The following MEGF11 variants were observed in gnomAD, a reference collection of about 807,000 sequenced individuals.
MEGF11 encodes multiple epidermal growth factor-like domains protein 11.
A neutral mutation model predicts 146.6 loss-of-function variants in MEGF11; 126 were observed. That is an observed-to-expected ratio of 0.86 (90% CI 0.74 to 1.00). The LOEUF is 1.00. Among genes scored for constraint, MEGF11 ranks in the 50% least tolerant of loss-of-function variants. MEGF11 has a pLI of 0.00. For missense variants in MEGF11, 1,509 were observed against 1,521.2 expected, an observed-to-expected ratio of 0.99 and a Z score of 0.13; for synonymous variants, 532 against 583.4, an observed-to-expected ratio of 0.91 and a Z score of 1.27.
Position 65,933,813 on chromosome 15 carries a change from C to T in MEGF11, c.1288-2870G>A, listed in dbSNP as rs139323740. Among the ~76,000 whole-genome samples, 446 of 152,304 alleles carry T rather than the reference C, an allele frequency of 2.9e-3. 3 individuals are homozygous for T. Among genetic ancestry groups the T allele is most frequent in the Non-Finnish European group, 4.2e-3 (284 of 68,008 alleles). Reference sequence around the variant, plus strand: ...TCACCATGTGACCATAGGCAATTTACGACATCCCCTGAGCCTCAGTTCCCA... The same window carrying T: ...TCACCATGTGACCATAGGCAATTTATGACATCCCCTGAGCCTCAGTTCCCA... On this transcript the variant is annotated intron_variant, in intron 10 of 25. Coordinates refer to ENST00000395614, the MANE Select transcript of MEGF11 (RefSeq NM_001385028.1).
intron 5 of MEGF11, among the ~76,000 whole-genome samples, chr15:66,031,702 C>T (rs2083528433): frequency 6.6e-6 from 1 of 152,198 alleles, no homozygotes; most frequent in African/African-American, 2.4e-5. Context: ...AACTACTTAT[C>T]TTCTCTGGGC....
intron 21 of MEGF11, 82 bp downstream of exon 21, chr15:65,912,000 G>A (rs1406608623): frequency 2.0e-5 from 14 of 711,666 alleles, no homozygotes; most frequent in Non-Finnish European, 2.7e-5. Flanking sequence ...TGTGGCGGGG[G>A]GCGTGCAGTT....
At chr15:66,164,125 T>C (rs2090034902) in intron 1 of MEGF11, among the ~76,000 whole-genome samples, 1 of 152,148 alleles carries the variant, frequency 6.6e-6, no homozygotes, top group African/African-American at 2.4e-5. Context: ...CATTGTGGCC[T>C]GAACGAAGCT....
At chr15:66,041,802 A>G (rs553084125) in intron 5 of MEGF11, among the ~76,000 whole-genome samples, 17 of 152,326 alleles carry the variant, frequency 1.1e-4, no homozygotes, top group South Asian at 1.0e-3. Flanking sequence ...GGCTCATAAT[A>G]TCATCACTCC....
At position 65,964,928 on chromosome 15, in the gene MEGF11, A is replaced by G; in HGVS notation, c.1092T>C (p.Cys364=). 6.4e-7 allele frequency: 1 copy of G among 1,569,442 alleles called. No individual in the cohort carries two copies. The highest frequency in any genetic ancestry group is 8.6e-7 in the Non-Finnish European group (1 of 1,156,556). ...HGPGCTLPCP[C]DADNTISCHP... Reference sequence around the variant, plus strand: ...CATACCTGATGGTGTTGTCAGCGTCACAGGGGCAGGGCAGGGTGCAGCCTG... The same window carrying G: ...CATACCTGATGGTGTTGTCAGCGTCGCAGGGGCAGGGCAGGGTGCAGCCTG... The change falls in exon 9 of 26, where the codon TGT becomes TGC. Residue 364 remains cysteine (C), a synonymous_variant. Transcript: ENST00000395614.
chr15:65,899,003 C>T, intron 24 of MEGF11, 69 bp from the exon 25 acceptor site: 1 of 1,505,088 alleles, frequency 6.6e-7, no homozygotes, highest in Admixed American at 1.8e-5. Flanking sequence ...CAGAAGCAGA[C>T]TGCAGTTGAG....
At chr15:66,059,785 C>G (rs2084827988) in intron 5 of MEGF11, among the ~76,000 whole-genome samples, 1 of 152,250 alleles carries the variant, frequency 6.6e-6, no homozygotes, top group African/African-American at 2.4e-5. Context: ...TACGGTAGAA[C>G]TGCTCCTTCT....
chr15:65,996,980 TG>T (rs900465276), intron 5 of MEGF11, among the ~76,000 whole-genome samples: 8 of 152,186 alleles, frequency 5.3e-5, no homozygotes, highest in Admixed American at 2.0e-4. Context: ...TCACTTCACA[TG>T]GGCCCCACCT....
chr15:66,081,139 A>C (rs2085837637), intron 5 of MEGF11, among the ~76,000 whole-genome samples: 1 of 152,158 alleles, frequency 6.6e-6, no homozygotes, highest in Non-Finnish European at 1.5e-5. Context: ...TGTGATCACA[A>C]GGCCGCCCCA....
chr15:65,998,976 C>G (rs1327651127), intron 5 of MEGF11, among the ~76,000 whole-genome samples: 1 of 152,026 alleles, frequency 6.6e-6, no homozygotes, highest in Non-Finnish European at 1.5e-5. Flanking sequence ...GCCTCAGCAC[C>G]CCCTCATTCT....
chr15:66,140,250 C>T (rs934057818), intron 1 of MEGF11, among the ~76,000 whole-genome samples: 1 of 152,220 alleles, frequency 6.6e-6, no homozygotes, highest in Non-Finnish European at 1.5e-5. Context: ...TCATACTCCA[C>T]TTCCCTGGGC....
chr15:66,124,345 T>C (rs139048378), intron 2 of MEGF11, among the ~76,000 whole-genome samples: 1 of 152,352 alleles, frequency 6.6e-6, no homozygotes, highest in East Asian at 1.9e-4. Context: ...TAAAAATATG[T>C]GATTGTTCAT....
At chr15:65,928,352 C>T (rs764761820) in intron 13 of MEGF11, 73 bp downstream of exon 13, 100 of 947,400 alleles carry the variant, frequency 1.1e-4, no homozygotes, top group Admixed American at 3.8e-4. Flanking sequence ...AAGAAGAAAA[C>T]GGTCAAGAGA....
At chr15:66,173,320 T>A (rs2141122832) in intron 1 of MEGF11, among the ~76,000 whole-genome samples, 1 of 152,214 alleles carries the variant, frequency 6.6e-6, no homozygotes, top group Admixed American at 6.5e-5. Flanking sequence ...TTTTTTTAAT[T>A]TTTATTTATT....
intron 1 of MEGF11, among the ~76,000 whole-genome samples, chr15:66,247,722 C>G (rs549276126): frequency 6.6e-6 from 1 of 152,172 alleles, no homozygotes; most frequent in South Asian, 2.1e-4. Flanking sequence ...GCCTGGGCAA[C>G]AGAAGGAGAG....
intron 1 of MEGF11, among the ~76,000 whole-genome samples, chr15:66,178,516 C>T (rs931439553): frequency 6.6e-6 from 1 of 152,210 alleles, no homozygotes; most frequent in African/African-American, 2.4e-5. Flanking sequence ...CACCTGAATT[C>T]CCCAGATATT....
At chr15:65,933,757 A>G (rs573784516) in intron 10 of MEGF11, among the ~76,000 whole-genome samples, 5 of 151,994 alleles carry the variant, frequency 3.3e-5, no homozygotes, top group Non-Finnish European at 7.4e-5. Context: ...CAGAGGGTGG[A>G]CTCTGGTACC....
At chr15:66,249,028 G>A (rs2092335332) in intron 1 of MEGF11, among the ~76,000 whole-genome samples, 2 of 152,216 alleles carry the variant, frequency 1.3e-5, no homozygotes, top group African/African-American at 4.8e-5. Context: ...GGGATAAAGT[G>A]TGCTGTTACA....
At chr15:65,990,629 AAAGAGAAAGGAAAAGAAAAAAGAAGGAAG>A (rs1360024237) in intron 5 of MEGF11, among the ~76,000 whole-genome samples, 14 of 75,710 alleles carry the variant, frequency 1.8e-4, no homozygotes, top group African/African-American at 9.1e-5. Flanking sequence ...GAAAAGAAAA[AAAGAGAAAGGAAAAGAAAAAAGAAGGAAG>A]GGAAGGGAAG....
Sources: allele counts gnomAD v4.1 joint callset (sites outside exome capture counted in the v4.1 genomes callset), GRCh38; gene constraint gnomAD v4.1.1; transcripts MANE v1.5; gene names NCBI Gene and HGNC (gene_info 2026-07-23, HGNC 2026-07-21).